FLT1: variants seen among roughly 807,000 people sequenced by gnomAD.
FLT1 encodes the protein vascular endothelial growth factor receptor 1.
A neutral mutation model predicts 156.3 loss-of-function variants in FLT1; 49 were observed. The ratio of observed to expected loss-of-function variants is 0.31; its 90% CI spans 0.25 to 0.40. FLT1 has a LOEUF of 0.40. Ranked by LOEUF, FLT1 falls within the 10% of genes least tolerant of loss-of-function variation. The pLI, the probability that FLT1 is intolerant of heterozygous loss-of-function variation, is 1.00. For synonymous variants in FLT1, 594 were observed against 583.8 expected (o/e 1.02, Z -0.25); for missense variants, 1,322 against 1,637.2 (o/e 0.81, Z 3.32).
At chr13:28,316,653 T>C (rs2138821157) in intron 25 of FLT1, among the ~76,000 whole-genome samples, 1 of 151,826 alleles carries the variant, frequency 6.6e-6, no homozygotes, top group East Asian at 1.9e-4. Context: ...TTTTTTTTTT[T>C]TTTGAGACAT....
chr13:28,467,186 C>A lies in FLT1; in HGVS notation c.162-57G>T. 6.3e-6 allele frequency: 8 copies of A among 1,274,236 alleles called. No homozygotes were observed. In the South Asian group the frequency reaches 8.3e-5, roughly 13 times the overall value. The allele number at this position is 1,274,236 out of a possible 1,614,324, so 78.9% of individuals were successfully genotyped here. A position where few individuals can be genotyped will look rare whatever the true frequency, so the allele number is the denominator to read the frequency against. ...TTATGGCTGGGCCCTAGGCTCAGCACCAGTTCCTCAGCATTCATTTTATTA... is the reference window on the plus strand; with the variant it reads ...TTATGGCTGGGCCCTAGGCTCAGCAACAGTTCCTCAGCATTCATTTTATTA... On this transcript the variant is annotated intron_variant, in intron 2 of 29. Transcript: ENST00000282397.
chr13:28,434,421 T>G (rs895522736), intron 4 of FLT1, among the ~76,000 whole-genome samples: 2 of 152,236 alleles, frequency 1.3e-5, no homozygotes, highest in Non-Finnish European at 2.9e-5. Context: ...CAAAAGATAT[T>G]TGCATTATGA....
At chr13:28,415,889 A>G (rs1876618184) in intron 10 of FLT1, among the ~76,000 whole-genome samples, 1 of 152,250 alleles carries the variant, frequency 6.6e-6, no homozygotes, top group Non-Finnish European at 1.5e-5. Context: ...CTGTCCCAAG[A>G]TGCAAATATA....
At chr13:28,343,445 G>A (rs9513082) in intron 16 of FLT1, among the ~76,000 whole-genome samples, 81,587 of 150,240 alleles carry the variant, frequency 0.54, 24,820 homozygotes, top group East Asian at 0.77. Context: ...GATTACAGGC[G>A]CCTGCCACCA....
At chr13:28,345,861 G>A in intron 15 of FLT1, 3 of 241,980 alleles carry the variant, frequency 1.2e-5, no homozygotes, top group Non-Finnish European at 2.4e-5. Flanking sequence ...AATCAGAGGA[G>A]AAATTAAAAA....
At chr13:28,449,658 A>G (rs1878816536) in intron 3 of FLT1, among the ~76,000 whole-genome samples, 1 of 152,220 alleles carries the variant, frequency 6.6e-6, no homozygotes, top group Non-Finnish European at 1.5e-5. Context: ...AAACTTAGAG[A>G]AAAGTCATTG....
At position 28,458,271 on chromosome 13, in the gene FLT1, C is replaced by G. The variant is rs186431676; in HGVS notation, c.388+8632G>C. Among the ~76,000 whole-genome samples, 44 of 152,270 alleles carry G rather than the reference C, an allele frequency of 2.9e-4. 1 individual carries two copies. In the East Asian group the frequency reaches 7.1e-3, roughly 25 times the overall value. On this transcript the variant is annotated intron_variant, in intron 3 of 29. Transcript: ENST00000282397. Reference sequence around the variant, plus strand: ...CACCACAGTCATCAACTTTTCAAAGCCTTAAATTGTGTCCAAGTGGCTTAT... The same window carrying G: ...CACCACAGTCATCAACTTTTCAAAGGCTTAAATTGTGTCCAAGTGGCTTAT...
intron 1 of FLT1, among the ~76,000 whole-genome samples, chr13:28,473,843 A>AAAGAAAGG (rs1880390682): frequency 6.9e-6 from 1 of 144,696 alleles, no homozygotes; most frequent in Non-Finnish European, 1.5e-5. Context: ...AGAAAGGAAG[A>AAAGAAAGG]AAGAAAGAAA....
At chr13:28,328,557 A>T (rs1261343143) in intron 19 of FLT1, 1 of 152,268 alleles carries the variant, frequency 6.6e-6, no homozygotes, top group Non-Finnish European at 1.5e-5. Context: ...GTCCTGGTGG[A>T]GTGGTTTTCT....
At chr13:28,443,613 A>C (rs1878451247) in intron 3 of FLT1, among the ~76,000 whole-genome samples, 1 of 152,160 alleles carries the variant, frequency 6.6e-6, no homozygotes, top group African/African-American at 2.4e-5. Flanking sequence ...ATTTTAAAGG[A>C]GGGTATGATT....
intron 3 of FLT1, among the ~76,000 whole-genome samples, chr13:28,454,936 C>T (rs1161567255): frequency 6.6e-6 from 1 of 152,040 alleles, no homozygotes; most frequent in East Asian, 1.9e-4. Context: ...AGACATAAGT[C>T]TATCAAAATA....
intron 4 of FLT1, among the ~76,000 whole-genome samples, chr13:28,435,102 C>G (rs8001142): frequency 0.012 from 1,902 of 152,262 alleles, 47 homozygotes; most frequent in African/African-American, 0.043. Context: ...GTCATTCTGA[C>G]GATCCTGCTG....
At chr13:28,330,335 G>A (rs1566289434) in intron 18 of FLT1, among the ~76,000 whole-genome samples, 1 of 152,180 alleles carries the variant, frequency 6.6e-6, no homozygotes, top group African/African-American at 2.4e-5. Flanking sequence ...AGAGTCTAAA[G>A]CCTAAATTGA....
chr13:28,376,694 G>C (rs1430478027), intron 14 of FLT1, among the ~76,000 whole-genome samples: 1 of 152,230 alleles, frequency 6.6e-6, no homozygotes. Context: ...AGGGTTGCCA[G>C]TAGCCCCTCT....
intron 1 of FLT1, among the ~76,000 whole-genome samples, chr13:28,473,111 G>A (rs2137635108): frequency 6.6e-6 from 1 of 152,286 alleles, no homozygotes; most frequent in East Asian, 1.9e-4. Flanking sequence ...ACAAGTGTTG[G>A]TGAGAATGTG....
chr13:28,354,711 G>A (rs1042437685), intron 15 of FLT1, among the ~76,000 whole-genome samples: 1 of 151,928 alleles, frequency 6.6e-6, no homozygotes, highest in Non-Finnish European at 1.5e-5. Context: ...TTATAAAAGA[G>A]AGCAAAGGAG....
chr13:28,388,772 C>T (rs1874523491), intron 13 of FLT1: 5 of 1,058,498 alleles, frequency 4.7e-6, no homozygotes, highest in Non-Finnish European at 4.6e-6. Flanking sequence ...GTTACAATAG[C>T]CTTTATTTCC....
chr13:28,411,892 CCTT>C (rs1332344520), intron 10 of FLT1, among the ~76,000 whole-genome samples: 3 of 152,152 alleles, frequency 2.0e-5, no homozygotes, highest in Non-Finnish European at 2.9e-5. Flanking sequence ...ATAATAATCT[CCTT>C]CTCTTTTTTT....
chr13:28,470,114 T>G (rs1233640976), intron 1 of FLT1, among the ~76,000 whole-genome samples: 2 of 152,214 alleles, frequency 1.3e-5, no homozygotes, highest in Non-Finnish European at 2.9e-5. Context: ...CTAAATAAAA[T>G]GGCTGAATAT....
Sources: allele counts gnomAD v4.1 joint callset (sites outside exome capture counted in the v4.1 genomes callset), GRCh38; gene constraint gnomAD v4.1.1; transcripts MANE v1.5; gene names NCBI Gene and HGNC (gene_info 2026-07-23, HGNC 2026-07-21).